Variants in APBB1 observed in about 807,000 individuals in gnomAD.
APBB1 encodes adaptor protein FE65a2.
Under a neutral mutation model 78.4 loss-of-function variants are expected in APBB1, and 22 were observed. The observed-to-expected ratio is 0.28, with a 90% CI of 0.20 to 0.40. The LOEUF is 0.40. Among genes scored for constraint, APBB1 ranks in the 10% least tolerant of loss-of-function variants. APBB1 has a pLI of 1.00. For synonymous variants in APBB1, 369 were observed against 372.7 expected (o/e 0.99, Z 0.12); for missense variants, 749 against 932.4 (o/e 0.80, Z 2.56).
intron 1 of APBB1, among the ~76,000 whole-genome samples, chr11:6,413,724 G>C (rs1381679649): frequency 6.6e-6 from 1 of 151,920 alleles, no homozygotes; most frequent in Non-Finnish European, 1.5e-5. Context: ...ACCCGCCTCA[G>C]CCTCCCAAAG....
In APBB1 at chr11:6,403,622, A is replaced by C; in HGVS notation, c.897+25T>G. 3 of 1,612,654 alleles carry C rather than the reference A, an allele frequency of 1.9e-6. No individual in the cohort carries two copies. The South Asian group carries it at 3.3e-5, about 18-fold the overall frequency. On this transcript the variant is annotated intron_variant, in intron 3 of 14. Transcript: ENST00000609360. This position sits in a 1 kb window ranked among gnomAD's most constrained non-coding sequence, Gnocchi z 5.3. ...ACACACTCCCTCCACCCCTGGCCCA[A>C]AATCAACAGGCCTGTGAGCCTCACC...
At chr11:6,400,154 T>TC (rs1848426788) in intron 12 of APBB1, among the ~76,000 whole-genome samples, 1 of 152,178 alleles carries the variant, frequency 6.6e-6, no homozygotes, top group African/African-American at 2.4e-5. Context: ...CTGTGCCTAG[T>TC]CCAGGGCCTG....
Position 6,401,495 on chromosome 11 carries a change from C to G in APBB1, c.1504-66G>C, listed in dbSNP as rs754111087. 17 of 1,612,670 alleles carry G rather than the reference C, an allele frequency of 1.1e-5. No homozygotes were observed. Among genetic ancestry groups the G allele is most frequent in the South Asian group, 2.2e-5 (2 of 91,004 alleles). ...TAGAGCCTCATTGCCCTGGGGCCCC[C>G]CTACAGCACTCAGTGACCCCACCCA... is the stretch of plus-strand genomic sequence containing the variant. On this transcript the variant is annotated intron_variant, in intron 10 of 14. Transcript: ENST00000609360. This position sits in a 1 kb window ranked among gnomAD's most constrained non-coding sequence, Gnocchi z 4.5.
intron 1 of APBB1, among the ~76,000 whole-genome samples, chr11:6,412,972 G>A (rs1299999135): frequency 1.3e-5 from 2 of 151,920 alleles, no homozygotes; most frequent in East Asian, 3.9e-4. Flanking sequence ...GCAACCATTT[G>A]AGTCCCAACT....
intron 2 of APBB1, among the ~76,000 whole-genome samples, chr11:6,404,403 C>T (rs1193643800): frequency 2.6e-5 from 4 of 152,226 alleles, no homozygotes; most frequent in Admixed American, 2.6e-4. Flanking sequence ...GCTAAACATA[C>T]GAGCCCCTGC....
chr11:6,412,083 T>C (rs183592767), intron 1 of APBB1, among the ~76,000 whole-genome samples: 1 of 152,358 alleles, frequency 6.6e-6, no homozygotes, highest in East Asian at 1.9e-4. Flanking sequence ...TGCCCTGTCC[T>C]GGATCACTAT....
rs112050857 is a variant in APBB1 at position 6,402,242 on chromosome 11, T to A, written c.1255-33A>T. Reference sequence around the variant, plus strand: ...ACCAGAAGCAGGCACTCAGTGGGACTCCAGCCAGGATGGTGGCTGATCTCT... The same window carrying A: ...ACCAGAAGCAGGCACTCAGTGGGACACCAGCCAGGATGGTGGCTGATCTCT... On this transcript the variant is annotated intron_variant, in intron 7 of 14. Coordinates refer to ENST00000609360, the MANE Select transcript of APBB1 (RefSeq NM_001164.5). 6,580 of 1,609,632 alleles carry A rather than the reference T, an allele frequency of 4.1e-3. 22 individuals carry two copies. The highest frequency in any genetic ancestry group is 5.3e-3 in the Non-Finnish European group (6,282 of 1,179,156).
chr11:6,416,418 A>T (rs1849117445), intron 1 of APBB1, among the ~76,000 whole-genome samples: 2 of 152,194 alleles, frequency 1.3e-5, no homozygotes, highest in African/African-American at 4.8e-5. Context: ...TCTCCATTTC[A>T]GACCCCTCAC....
intron 7 of APBB1, 181 bp from the exon 8 acceptor site, chr11:6,402,390 G>T: frequency 9.1e-7 from 1 of 1,102,898 alleles, no homozygotes; most frequent in Non-Finnish European, 1.3e-6. Context: ...TGACTCCACC[G>T]TTGTTAGGCG....
At chr11:6,419,332 T>G, upstream of APBB1, 21 of 217,642 alleles carry the variant, frequency 9.6e-5, no homozygotes, top group Non-Finnish European at 1.3e-4. Flanking sequence ...TCCACTACTA[T>G]TCCACAGACT....
At position 6,402,423 on chromosome 11, in the gene APBB1, T is replaced by C; in HGVS notation, c.1254+153A>G. 6.3e-6 allele frequency: 7 copies of C among 1,102,752 alleles called. No homozygotes were observed. In the South Asian group the frequency reaches 1.1e-4, roughly 17 times the overall value. The allele number at this position is 1,102,752 out of a possible 1,614,324, so 68.3% of individuals were successfully genotyped here. On this transcript the variant is annotated intron_variant, in intron 7 of 14. Coordinates refer to ENST00000609360, the MANE Select transcript of APBB1 (RefSeq NM_001164.5). ...GCGACTATCTCCCAAGGTCCTGGCC[T>C]GGGGTCGCTCATCCATCCCACAGGG...
At chr11:6,412,582 T>G (rs1848998498) in intron 1 of APBB1, among the ~76,000 whole-genome samples, 1 of 152,228 alleles carries the variant, frequency 6.6e-6, no homozygotes, top group Non-Finnish European at 1.5e-5. Context: ...TGTCACCATC[T>G]GACAAGCCAA....
At chr11:6,400,538 C>CT (rs1848449177) in intron 12 of APBB1, among the ~76,000 whole-genome samples, 1 of 41,348 alleles carries the variant, frequency 2.4e-5, no homozygotes, top group Non-Finnish European at 5.0e-5. Flanking sequence ...CGAGACTTGT[C>CT]TTTAAAAAAA....
Position 6,401,421 on chromosome 11 carries a change from G to C in APBB1, c.1512C>G (p.Ala504=). 6.2e-7 allele frequency: 1 copy of C among 1,613,692 alleles called. No homozygotes were observed. Among genetic ancestry groups the C allele is most frequent in the Non-Finnish European group, 8.5e-7 (1 of 1,179,712 alleles). Residue 504 remains alanine, a synonymous_variant, in exon 11 of 15, where the codon GCC becomes GCG. Coordinates refer to ENST00000609360, the MANE Select transcript of APBB1 (RefSeq NM_001164.5). The surrounding 1 kb of genome is among the most constrained non-coding windows in gnomAD (Gnocchi z 4.5). The part of the protein sequence containing the change: ...SLHEICSKIM[A]ERRNARCLVN... Reference sequence around the variant, plus strand: ...CCAAGCAGCGGGCATTACGCCGTTCGGCCATGATCTGAGGAAGGAAGGGAG... The same window carrying C: ...CCAAGCAGCGGGCATTACGCCGTTCCGCCATGATCTGAGGAAGGAAGGGAG...
At chr11:6,404,712 C>T (rs2134083674) in intron 2 of APBB1, 5 of 1,536,124 alleles carry the variant, frequency 3.3e-6, no homozygotes, top group African/African-American at 1.4e-5. Context: ...CAGCCCCACC[C>T]CACATGAGGC....
intron 1 of APBB1, among the ~76,000 whole-genome samples, chr11:6,414,939 G>A (rs1473243645): frequency 1.3e-5 from 2 of 152,216 alleles, no homozygotes; most frequent in Non-Finnish European, 2.9e-5. Flanking sequence ...TGCATGCACT[G>A]TGAGGCTGAA....
At position 6,395,641 on chromosome 11, in the gene APBB1, G is replaced by A. The variant is rs770709647; in HGVS notation, c.2026C>T (p.Pro676Ser). 2 of 1,596,056 alleles carry A rather than the reference G, an allele frequency of 1.3e-6. No homozygotes were observed. The highest frequency in any genetic ancestry group is 1.7e-6 in the Non-Finnish European group (2 of 1,169,868). The part of the protein sequence containing the change: ...SQASTSCLPA[P>S]PAESVARRVG... ...CGCCGTGCCACAGACTCAGCAGGGG[G>A]TGCTGGGAGGCAGGAGGTGGAGGCC... Residue 676 changes from proline (P) to serine (S), a missense_variant, in exon 15 of 15, where the codon CCC (proline) becomes TCC (serine). This residue lies in a region of APBB1 where 96 missense variants were observed against 116.0 expected (regional missense o/e 0.83). Coordinates refer to ENST00000609360, the MANE Select transcript of APBB1 (RefSeq NM_001164.5). This position sits in a 1 kb window ranked among gnomAD's most constrained non-coding sequence, Gnocchi z 5.2.
intron 1 of APBB1, among the ~76,000 whole-genome samples, chr11:6,415,709 A>T (rs1365200605): frequency 6.6e-6 from 1 of 152,168 alleles, no homozygotes; most frequent in Admixed American, 6.5e-5. Context: ...ACATCCTCAA[A>T]CATAAAAACC....
Position 6,395,527 on chromosome 11 carries a change from G to C in APBB1, c.*7C>G. ...CACAAGCAGGTGGAGGGAAGGTGGGGGCTTCTTCATGGGGTATGGGCCCCC... is the reference window on the plus strand; with the variant it reads ...CACAAGCAGGTGGAGGGAAGGTGGGCGCTTCTTCATGGGGTATGGGCCCCC... On this transcript the variant is annotated 3_prime_UTR_variant, in exon 15 of 15. Transcript: ENST00000609360. The surrounding 1 kb of genome is among the most constrained non-coding windows in gnomAD (Gnocchi z 5.2). 1.9e-6 allele frequency: 3 copies of C among 1,540,752 alleles called. No homozygotes were observed. In the Admixed American group the frequency reaches 6.2e-5, roughly 32 times the overall value.
Sources: allele counts gnomAD v4.1 joint callset (sites outside exome capture counted in the v4.1 genomes callset), GRCh38; gene constraint gnomAD v4.1.1; regional missense constraint gnomAD v4.1.1; non-coding constraint Gnocchi (gnomAD v3.1); transcripts MANE v1.5; gene names NCBI Gene and HGNC (gene_info 2026-07-23, HGNC 2026-07-21).